The following GABRG3 variants were observed in gnomAD, a reference collection of about 807,000 sequenced individuals.
GABRG3 encodes the protein gamma-aminobutyric acid receptor subunit gamma-3.
Under a neutral mutation model 48.8 loss-of-function variants are expected in GABRG3, and 25 were observed. The ratio of observed to expected loss-of-function variants is 0.51; its 90% CI spans 0.37 to 0.72. GABRG3 has a LOEUF of 0.72. Ranked by LOEUF, GABRG3 falls within the 30% of genes least tolerant of loss-of-function variation. The pLI, the probability that GABRG3 is intolerant of heterozygous loss-of-function variation, is 0.00. For missense variants in GABRG3, 394 were observed against 577.9 expected, an observed-to-expected ratio of 0.68 and a Z score of 3.26; for synonymous variants, 227 against 217.6, an observed-to-expected ratio of 1.04 and a Z score of -0.38.
At chr15:27,521,016 G>A (rs1486809629) in intron 7 of GABRG3, among the ~76,000 whole-genome samples, 2 of 151,932 alleles carry the variant, frequency 1.3e-5, no homozygotes, top group African/African-American at 4.8e-5. Flanking sequence ...TGGTAGAATT[G>A]TAGGCAAATC....
intron 3 of GABRG3, among the ~76,000 whole-genome samples, chr15:27,211,505 A>G (rs1889080579): frequency 6.6e-6 from 1 of 152,254 alleles, no homozygotes; most frequent in African/African-American, 2.4e-5. Flanking sequence ...CTTTTATATT[A>G]TAGTCATGCT....
chr15:27,359,280 C>T lies in GABRG3; in HGVS notation c.574+30392C>T, dbSNP rs184734957. ...TGCCCCTGTCTCTGCTCCTCCAGCT[C>T]GCTTGCAGGCACAAGCTGCTTTGCT... On this transcript the variant is annotated intron_variant, in intron 5 of 9. Coordinates refer to ENST00000615808, the MANE Select transcript of GABRG3 (RefSeq NM_033223.5). Among the ~76,000 whole-genome samples the T allele has an allele frequency of 2.6e-5, 4 of 152,352 alleles. No homozygotes were observed. In the East Asian group the frequency reaches 7.7e-4, roughly 29 times the overall value.
intron 5 of GABRG3, among the ~76,000 whole-genome samples, chr15:27,445,930 C>T (rs1888931085): frequency 6.6e-6 from 1 of 151,878 alleles, no homozygotes; most frequent in Non-Finnish European, 1.5e-5. Flanking sequence ...AGTCTTGGGA[C>T]CCTTTGTAGG....
intron 2 of GABRG3, among the ~76,000 whole-genome samples, chr15:27,002,003 A>C (rs1895458477): frequency 1.3e-5 from 2 of 151,460 alleles, no homozygotes; most frequent in Non-Finnish European, 2.9e-5. Context: ...TGGTTATATA[A>C]ATTTTAAAGT....
intron 5 of GABRG3, among the ~76,000 whole-genome samples, chr15:27,414,653 A>C (rs1311694325): frequency 6.6e-6 from 1 of 152,152 alleles, no homozygotes; most frequent in Non-Finnish European, 1.5e-5. Context: ...AGTTTTGCTT[A>C]ACTGGATGGT....
Position 27,464,692 on chromosome 15 carries a change from G to C in GABRG3, c.575-15958G>C, listed in dbSNP as rs571319743. On this transcript the variant is annotated intron_variant, in intron 5 of 9. Transcript: ENST00000615808. ...AAGTGATATCTTGTACTATTTATTT[G>C]CATCTCTTGGTGACTAATGATGCTA... is the stretch of plus-strand genomic sequence containing the variant. 2.0e-5 allele frequency among the ~76,000 whole-genome samples: 3 copies of C among 152,220 alleles called. No individual in the cohort carries two copies. In the South Asian group the frequency reaches 6.2e-4, roughly 32 times the overall value.
intron 6 of GABRG3, among the ~76,000 whole-genome samples, chr15:27,508,026 T>TA (rs1890802153): frequency 6.6e-6 from 1 of 152,248 alleles, no homozygotes; most frequent in South Asian, 2.1e-4. Flanking sequence ...CTCTATTTTT[T>TA]AACTTTTAAC....
chr15:27,533,083 C>A lies in GABRG3; in HGVS notation c.*202C>A. ...ACACACACACATACATACACACACA[C>A]AGCTAATTGAGTTTTAAAGTAATAT... On this transcript the variant is annotated 3_prime_UTR_variant, in exon 10 of 10. Transcript: ENST00000615808. The A allele has an allele frequency of 1.9e-6, 1 of 535,946 alleles. No homozygotes were observed. 33.2% of individuals were successfully genotyped at this position (535,946 alleles called of 1,614,324 possible). A position where few individuals can be genotyped will look rare whatever the true frequency, so the allele number is the denominator to read the frequency against.
At chr15:27,324,321 C>T (rs974645537) in intron 3 of GABRG3, among the ~76,000 whole-genome samples, 3 of 152,120 alleles carry the variant, frequency 2.0e-5, no homozygotes, top group Non-Finnish European at 4.4e-5. Context: ...CCCTCCTGCC[C>T]CACACGTGCA....
At chr15:26,972,429 T>G (rs1375273862) in intron 1 of GABRG3, among the ~76,000 whole-genome samples, 1 of 152,068 alleles carries the variant, frequency 6.6e-6, no homozygotes, top group Non-Finnish European at 1.5e-5. Flanking sequence ...GATTCTGGGT[T>G]TAGTTTCTTT....
At chr15:27,016,240 C>CTTT (rs34202673) in intron 2 of GABRG3, among the ~76,000 whole-genome samples, 31 of 140,722 alleles carry the variant, frequency 2.2e-4, no homozygotes, top group African/African-American at 6.1e-4. Context: ...TTCTTTCTTT[C>CTTT]TTTTTTTTTT....
chr15:27,032,777 C>G (rs1001010077), intron 3 of GABRG3, among the ~76,000 whole-genome samples: 1 of 152,172 alleles, frequency 6.6e-6, no homozygotes, highest in African/African-American at 2.4e-5. Flanking sequence ...AACATCTAAA[C>G]CATATCACCT....
intron 3 of GABRG3, among the ~76,000 whole-genome samples, chr15:27,290,288 A>G (rs949171212): frequency 7.9e-5 from 12 of 152,194 alleles, no homozygotes; most frequent in African/African-American, 2.9e-4. Flanking sequence ...ATATACAGAA[A>G]AATTTCAAAT....
chr15:27,074,194 C>T (rs1896872347), intron 3 of GABRG3, among the ~76,000 whole-genome samples: 1 of 152,128 alleles, frequency 6.6e-6, no homozygotes, highest in Non-Finnish European at 1.5e-5. Flanking sequence ...CTGGGTCCCT[C>T]CCACAACACA....
chr15:27,227,369 C>T (rs920458312), intron 3 of GABRG3, among the ~76,000 whole-genome samples: 1 of 151,662 alleles, frequency 6.6e-6, no homozygotes, highest in Non-Finnish European at 1.5e-5. Context: ...TGGTGGTGTG[C>T]ACCTGTAGTC....
rs540479432 is a variant in GABRG3 at position 27,308,758 on chromosome 15, G to A, written c.271-18051G>A. On this transcript the variant is annotated intron_variant, in intron 3 of 9. Transcript: ENST00000615808. ...ATACGTTTATATGTAAACATATAAT[G>A]TAAACATACGTTTATATATAAAACA... Among the ~76,000 whole-genome samples, 20 of 149,456 alleles carry A rather than the reference G, an allele frequency of 1.3e-4. No individual in the cohort carries two copies. The South Asian group carries it at 3.3e-3, about 25-fold the overall frequency.
At chr15:27,339,405 T>C (rs1428443070) in intron 5 of GABRG3, among the ~76,000 whole-genome samples, 3 of 152,244 alleles carry the variant, frequency 2.0e-5, no homozygotes, top group African/African-American at 7.2e-5. Flanking sequence ...TCAAGGACCA[T>C]GCTAGGCAGG....
chr15:27,124,355 C>T (rs1437472161), intron 3 of GABRG3, among the ~76,000 whole-genome samples: 3 of 152,196 alleles, frequency 2.0e-5, no homozygotes, highest in Non-Finnish European at 4.4e-5. Context: ...TCTGATTACA[C>T]TCACTTCACA....
intron 2 of GABRG3, among the ~76,000 whole-genome samples, chr15:27,020,387 T>C (rs1484495425): frequency 6.6e-6 from 1 of 152,190 alleles, no homozygotes; most frequent in Non-Finnish European, 1.5e-5. Flanking sequence ...GTAGCTCTTC[T>C]GTTGGAATCT....
Sources: allele counts gnomAD v4.1 joint callset (sites outside exome capture counted in the v4.1 genomes callset), GRCh38; gene constraint gnomAD v4.1.1; transcripts MANE v1.5; gene names NCBI Gene and HGNC (gene_info 2026-07-23, HGNC 2026-07-21).